SCAMP4: variants seen among roughly 807,000 people sequenced by gnomAD.
SCAMP4 encodes the protein secretory carrier-associated membrane protein 4.
Under a neutral mutation model 32.1 loss-of-function variants are expected in SCAMP4, and 19 were observed. That is an observed-to-expected ratio of 0.59 (90% CI 0.41 to 0.87). The LOEUF is 0.87. Among genes scored for constraint, SCAMP4 ranks in the 40% least tolerant of loss-of-function variants. The probability of loss-of-function intolerance (pLI) is 0.00; values close to 1 mark genes in which losing one functional copy is unlikely to be tolerated. For synonymous variants in SCAMP4, 152 were observed against 132.7 expected, an observed-to-expected ratio of 1.15 and a Z score of -1.00; for missense variants, 302 against 309.0, an observed-to-expected ratio of 0.98 and a Z score of 0.17.
intron 2 of SCAMP4, among the ~76,000 whole-genome samples, chr19:1,917,405 C>T (rs998861609): frequency 6.6e-6 from 1 of 152,214 alleles, no homozygotes; most frequent in Admixed American, 6.5e-5. Flanking sequence ...GGCCGGTTCC[C>T]GCCTTGCCCA....
Position 1,908,582 on chromosome 19 carries a change from C to T in SCAMP4, c.-42+3143C>T, listed in dbSNP as rs1187535723. 2.1e-6 allele frequency: 1 copy of T among 470,966 alleles called. No homozygotes were observed. The highest frequency in any genetic ancestry group is 4.4e-6 in the Non-Finnish European group (1 of 227,042). The allele number at this position is 470,966 out of a possible 1,614,324, so 29.2% of individuals were successfully genotyped here. A position where few individuals can be genotyped will look rare whatever the true frequency, so the allele number is the denominator to read the frequency against. On this transcript the variant is annotated intron_variant, in intron 1 of 6. Transcript: ENST00000316097. This position sits in a 1 kb window ranked among gnomAD's most constrained non-coding sequence, Gnocchi z 4.2. ...CATTTTAAGATCATCTGCGGCTTAG[C>T]CCCAGCACCATCTGAGGCAGTACTG...
chr19:1,922,981 G>A (rs2013967305), intron 5 of SCAMP4, 89 bp from the exon 6 acceptor site: 1 of 1,419,766 alleles, frequency 7.0e-7, no homozygotes, highest in Non-Finnish European at 9.2e-7. Flanking sequence ...ATTGGCCAGA[G>A]CTCTTTACAT....
chr19:1,916,032 T>A (rs1206409566), intron 2 of SCAMP4, among the ~76,000 whole-genome samples: 1 of 148,716 alleles, frequency 6.7e-6, no homozygotes, highest in Non-Finnish European at 1.5e-5. Flanking sequence ...GATGATGAGG[T>A]CAGGAGTTTG....
At position 1,908,188 on chromosome 19, in the gene SCAMP4, T is replaced by A. The variant is rs1301897858; in HGVS notation, c.-42+2749T>A. 8 of 274,416 alleles carry A rather than the reference T, an allele frequency of 2.9e-5. 1 individual carries two copies. The highest frequency in any genetic ancestry group is 9.6e-5 in the South Asian group (3 of 31,358). 17.0% of individuals were successfully genotyped at this position (274,416 alleles called of 1,614,324 possible). On this transcript the variant is annotated intron_variant, in intron 1 of 6. Transcript: ENST00000316097. The surrounding 1 kb of genome is among the most constrained non-coding windows in gnomAD (Gnocchi z 4.2). ...GGAGGGCCCAGCGAGTCGGCTGCTA[T>A]GGGCCCCACCTGGCACGGGGCCTCG...
intron 5 of SCAMP4, chr19:1,920,693 C>T: frequency 1.0e-6 from 1 of 985,506 alleles, no homozygotes; most frequent in Non-Finnish European, 1.2e-6. Flanking sequence ...CCTCCGAGTC[C>T]TCCTGAGCTC....
At chr19:1,923,861 G>C (rs927742691) in intron 6 of SCAMP4, among the ~76,000 whole-genome samples, 5 of 120,692 alleles carry the variant, frequency 4.1e-5, no homozygotes, top group Admixed American at 3.1e-4. Context: ...TCCTGACCTC[G>C]TGATCCTCCC....
At chr19:1,912,627 G>C in intron 1 of SCAMP4, 8 of 1,451,496 alleles carry the variant, frequency 5.5e-6, no homozygotes, top group South Asian at 4.0e-5. Flanking sequence ...GAGCCACATG[G>C]AGCGGGCGGT....
In SCAMP4 at chr19:1,912,397, C is replaced by T. The variant is rs758084301; in HGVS notation, c.-41-2582C>T. On this transcript the variant is annotated intron_variant, in intron 1 of 6. Coordinates refer to ENST00000316097, the MANE Select transcript of SCAMP4 (RefSeq NM_079834.4). The stretch of plus-strand genomic sequence containing the variant: ...CTGCTTTGCCTGGCTGGGCCGGCCT[C>T]GGGCCCGCGCTCGCTGGCTGAGCTC... The T allele has an allele frequency of 1.2e-5, 18 of 1,515,626 alleles. No homozygotes were observed. Among genetic ancestry groups the T allele is most frequent in the African/African-American group, 2.9e-5 (2 of 69,622 alleles). 93.9% of individuals were successfully genotyped at this position (1,515,626 alleles called of 1,614,324 possible).
intron 5 of SCAMP4, chr19:1,921,322 G>A (rs1388694451): frequency 2.0e-6 from 2 of 985,330 alleles, no homozygotes; most frequent in East Asian, 1.1e-4. Context: ...GAGGCCATGA[G>A]CCACGGCAGC....
intron 3 of SCAMP4, 112 bp from the exon 4 acceptor site, chr19:1,918,015 T>A (rs948243904): frequency 7.0e-7 from 1 of 1,419,912 alleles, no homozygotes; most frequent in African/African-American, 1.4e-5. Flanking sequence ...ATCCTCGACA[T>A]GGGGTCACTG....
At chr19:1,920,918 A>G (rs765208140) in intron 5 of SCAMP4, 22 of 985,216 alleles carry the variant, frequency 2.2e-5, no homozygotes, top group Admixed American at 6.2e-5. Flanking sequence ...GTGCGGCAGC[A>G]GCGACTTGGC....
intron 5 of SCAMP4, chr19:1,922,080 C>G (rs1158314852): frequency 2.0e-6 from 2 of 985,300 alleles, no homozygotes; most frequent in African/African-American, 3.5e-5. Context: ...CCTTTAAGTT[C>G]CCTGAATTTT....
intron 1 of SCAMP4, among the ~76,000 whole-genome samples, chr19:1,909,142 G>A (rs894523937): frequency 6.6e-6 from 1 of 151,954 alleles, no homozygotes; most frequent in African/African-American, 2.4e-5. Flanking sequence ...GGTGGCTTAC[G>A]CCTGTAATCC....
intron 2 of SCAMP4, among the ~76,000 whole-genome samples, chr19:1,916,029 A>C (rs1237124780): frequency 2.0e-5 from 3 of 150,824 alleles, no homozygotes; most frequent in Non-Finnish European, 4.4e-5. Context: ...GCAGATGATG[A>C]GGTCAGGAGT....
At chr19:1,912,810 G>C in intron 1 of SCAMP4, 1 of 1,583,110 alleles carries the variant, frequency 6.3e-7, no homozygotes, top group Non-Finnish European at 8.5e-7. Flanking sequence ...CCAGGGCCGC[G>C]GCACCTACGA....
chr19:1,921,668 G>A (rs962190720), intron 5 of SCAMP4: 114 of 985,270 alleles, frequency 1.2e-4, no homozygotes, highest in Non-Finnish European at 1.4e-4. Flanking sequence ...CATCCAAACA[G>A]AGGTTTACTT....
intron 3 of SCAMP4, 94 bp from the exon 4 acceptor site, chr19:1,918,033 G>T: frequency 6.7e-7 from 1 of 1,483,640 alleles, no homozygotes; most frequent in Non-Finnish European, 9.1e-7. Context: ...CTGGGCTGGG[G>T]AGGCGGACAG....
intron 5 of SCAMP4, chr19:1,922,144 C>T: frequency 4.1e-6 from 4 of 985,492 alleles, no homozygotes; most frequent in Non-Finnish European, 4.8e-6. Context: ...TGACTGTTTT[C>T]TGCCTCCTGG....
intron 1 of SCAMP4, chr19:1,912,792 GCGCGCGGCCAGGGC>G: frequency 4.5e-6 from 7 of 1,571,924 alleles, no homozygotes; most frequent in Non-Finnish European, 6.0e-6. Context: ...GGACCTCGTG[GCGCGCGGCCAGGGC>G]CGCGGCACCT....
Sources: allele counts gnomAD v4.1 joint callset (sites outside exome capture counted in the v4.1 genomes callset), GRCh38; gene constraint gnomAD v4.1.1; non-coding constraint Gnocchi (gnomAD v3.1); transcripts MANE v1.5; gene names NCBI Gene and HGNC (gene_info 2026-07-23, HGNC 2026-07-21).